Variants in SCNN1A observed in about 807,000 individuals in gnomAD.
The protein encoded by SCNN1A is epithelial sodium channel subunit alpha.
A neutral mutation model predicts 68.6 loss-of-function variants in SCNN1A; 65 were observed. The ratio of observed to expected loss-of-function variants is 0.95; its 90% confidence interval spans 0.78 to 1.16. The LOEUF (loss-of-function observed/expected upper bound fraction) is 1.16, where lower values mean the gene tolerates loss of function less well. Among genes scored for constraint, SCNN1A ranks in the 50% most tolerant of loss-of-function variants. The pLI is 0.00. For synonymous variants in SCNN1A, 357 were observed against 353.3 expected (o/e 1.01, Z -0.12); for missense variants, 880 against 865.9 (o/e 1.02, Z -0.20).
chr12:6,369,649 G>A (rs137876065), intron 2 of SCNN1A, among the ~76,000 whole-genome samples: 22 of 152,166 alleles, frequency 1.4e-4, no homozygotes, highest in African/African-American at 2.4e-4. Context: ...TGGCTAACAC[G>A]GCGAAACCCC....
At chr12:6,369,322 T>TCCCTCCTGCCACCCTACGCACCA in intron 2 of SCNN1A, among the ~76,000 whole-genome samples, 1 of 150,138 alleles carries the variant, frequency 6.7e-6, no homozygotes, top group East Asian at 2.0e-4. Context: ...CCTACGCACC[T>TCCCTCCTGCCACCCTACGCACCA]CCCTCCTGCC....
Position 6,348,264 on chromosome 12 carries a change from A to T in SCNN1A, c.1630-11T>A, listed in dbSNP as rs1592058320. 1.2e-6 allele frequency: 2 copies of T among 1,613,708 alleles called. No homozygotes were observed. Among genetic ancestry groups the T allele is most frequent in the African/African-American group, 2.7e-5 (2 of 74,812 alleles). On this transcript the variant is annotated splice_polypyrimidine_tract_variant and intron_variant, in intron 12 of 12. Coordinates refer to ENST00000228916, the MANE Select transcript of SCNN1A (RefSeq NM_001038.6). ...CAGGAGGGTGACCATCTGTGAGAGG[A>T]GAGGTACATTGACGATGGGACAGAG...
chr12:6,348,976 C>A lies in SCNN1A; in HGVS notation c.1527G>T (p.Gln509His), dbSNP rs1287151348. ...TCTTGTTGTTGACGGTGTAATTGTTCTGTCGCGATAGCATCTGGAAGACCC... is the reference window on the plus strand; with the variant it reads ...TCTTGTTGTTGACGGTGTAATTGTTATGTCGCGATAGCATCTGGAAGACCC... ...QEWVFQMLSR[Q>H]NNYTVNNKRN... is the part of the protein sequence containing the mutation. The change falls in exon 11 of 13, where the codon CAG becomes CAT. Residue 509 changes from glutamine (Q) to histidine (H), a missense_variant. This residue lies in a region of SCNN1A where 758 missense variants were observed against 721.8 expected (regional missense o/e 1.05). Transcript: ENST00000228916. 8.1e-6 allele frequency: 13 copies of A among 1,613,968 alleles called. No individual in the cohort carries two copies. Among genetic ancestry groups the A allele is most frequent in the Non-Finnish European group, 1.0e-5 (12 of 1,180,022 alleles).
At chr12:6,348,644 G>A in intron 12 of SCNN1A, 83 bp downstream of exon 12, 1 of 1,209,260 alleles carries the variant, frequency 8.3e-7, no homozygotes, top group Non-Finnish European at 1.2e-6. Flanking sequence ...GGCCCACAGA[G>A]ACAACCTTTT....
Position 6,350,393 on chromosome 12 carries a change from T to C in SCNN1A, c.1361-988A>G, listed in dbSNP as rs145720481. On this transcript the variant is annotated intron_variant, in intron 8 of 12. Coordinates refer to ENST00000228916, the MANE Select transcript of SCNN1A (RefSeq NM_001038.6). ...CTTGCAGTGAGCCGAGATCGCGCCATTGCACACTCTAGCCTGGGCGACTGA... is the reference window on the plus strand; with the variant it reads ...CTTGCAGTGAGCCGAGATCGCGCCACTGCACACTCTAGCCTGGGCGACTGA... Among the ~76,000 whole-genome samples the C allele has an allele frequency of 3.4e-3, 508 of 149,014 alleles. 2 individuals are homozygous for C. The highest frequency in any genetic ancestry group is 0.012 in the African/African-American group (477 of 40,196).
upstream of SCNN1A, among the ~76,000 whole-genome samples, chr12:6,376,968 C>T (rs1198852663): frequency 6.6e-6 from 1 of 152,204 alleles, no homozygotes; most frequent in Non-Finnish European, 1.5e-5. Context: ...GGACTTCTAA[C>T]AAAAGTGCAG....
chr12:6,349,556 C>T lies in SCNN1A; in HGVS notation c.1361-151G>A, dbSNP rs1321577626. On this transcript the variant is annotated intron_variant, in intron 8 of 12. Transcript: ENST00000228916. ...CCTTATGAGTGGCAGTACCAAGAAG[C>T]GTTTAAGAAATTAAGCTAAGCCAGG... 4.3e-6 allele frequency: 3 copies of T among 696,020 alleles called. No homozygotes were observed. The Admixed American group carries it at 6.2e-5, about 14-fold the overall frequency. 43.1% of individuals were successfully genotyped at this position (696,020 alleles called of 1,614,324 possible). A position where few individuals can be genotyped will look rare whatever the true frequency, so the allele number is the denominator to read the frequency against.
Position 6,354,769 on chromosome 12 carries a change from G to T in SCNN1A, c.1223C>A (p.Pro408His). 1 of 1,613,882 alleles carries T rather than the reference G, an allele frequency of 6.2e-7. No homozygotes were observed. Among genetic ancestry groups the T allele is most frequent in the Non-Finnish European group, 8.5e-7 (1 of 1,179,872 alleles). The change falls in exon 7 of 13, where the codon CCT becomes CAT. Residue 408 changes from proline to histidine, a missense_variant. By Grantham distance (77) the Pro-to-His change is moderately conservative. Around this residue, in one of 3 missense-constraint regions of SCNN1A, gnomAD observed 758 missense variants for 721.8 expected, o/e 1.05. Coordinates refer to ENST00000228916, the MANE Select transcript of SCNN1A (RefSeq NM_001038.6). ...GSDVPVENLYPSKYTQQVCIH... is the reference protein window; with the variant it reads ...GSDVPVENLYHSKYTQQVCIH... ...CCTCACCTGCTGTGTGTACTTTGAA[G>T]GGTAAAGGTTCTCAACAGGAACATC...
At chr12:6,373,741 T>C (rs72645125) in intron 2 of SCNN1A, among the ~76,000 whole-genome samples, 118 of 152,294 alleles carry the variant, frequency 7.7e-4, no homozygotes, top group Admixed American at 3.3e-3. Context: ...CCTGGGTCTT[T>C]TGGGGGAAGA....
intron 4 of SCNN1A, among the ~76,000 whole-genome samples, chr12:6,358,453 T>C (rs1948532516): frequency 6.6e-6 from 1 of 152,124 alleles, no homozygotes; most frequent in South Asian, 2.1e-4. Flanking sequence ...AATAAAAACA[T>C]AGATCCATGT....
At chr12:6,367,463 C>T (rs878980390) in intron 2 of SCNN1A, among the ~76,000 whole-genome samples, 3 of 152,232 alleles carry the variant, frequency 2.0e-5, no homozygotes, top group East Asian at 1.9e-4. Flanking sequence ...GGAACTGATA[C>T]GTGCAAAAAA....
Position 6,347,658 on chromosome 12 carries a change from A to G in SCNN1A, c.*215T>C. 1.6e-6 allele frequency: 1 copy of G among 612,946 alleles called. No individual in the cohort carries two copies. The highest frequency in any genetic ancestry group is 2.9e-6 in the Non-Finnish European group (1 of 341,032). 38.0% of individuals were successfully genotyped at this position (612,946 alleles called of 1,614,324 possible). ...GTGTTCAGAGGCAGTACCAAGGGGT[A>G]CAGGGCTGGAGCCAAGGCACTTCTG... On this transcript the variant is annotated 3_prime_UTR_variant, in exon 13 of 13. Transcript: ENST00000228916.
intron 5 of SCNN1A, 21 bp from the exon 6 acceptor site, chr12:6,355,456 G>C (rs761466358): frequency 6.8e-6 from 11 of 1,613,020 alleles, no homozygotes; most frequent in Non-Finnish European, 9.3e-6. Context: ...AGAGAGAGCA[G>C]AGTTGGCAGA....
rs201365745 is a variant in SCNN1A at position 6,354,809 on chromosome 12, T to C, written c.1183A>G (p.Thr395Ala). 4 of 1,614,036 alleles carry C rather than the reference T, an allele frequency of 2.5e-6. No individual in the cohort carries two copies. The East Asian group carries it at 8.9e-5, about 36-fold the overall frequency. The part of the protein sequence containing the change: ...DRLGGDYGDC[T>A]KNGSDVPVEN... Reference sequence around the variant, plus strand: ...ACAGGAACATCACTGCCATTCTTGGTGCAGTCGCCATAATCGCCCCCAAGT... The same window carrying C: ...ACAGGAACATCACTGCCATTCTTGGCGCAGTCGCCATAATCGCCCCCAAGT... Residue 395 changes from threonine (T) to alanine (A), a missense_variant, in exon 7 of 13, where the codon ACC (threonine) becomes GCC (alanine). Thr to Ala is a moderately conservative substitution (Grantham distance 58). Transcript: ENST00000228916.
chr12:6,359,244 T>C (rs1326271501), intron 4 of SCNN1A, among the ~76,000 whole-genome samples: 3 of 152,280 alleles, frequency 2.0e-5, no homozygotes, highest in Admixed American at 2.0e-4. Flanking sequence ...ATTTATGGTT[T>C]GTAAATTATA....
chr12:6,370,000 T>G (rs1034130869), intron 2 of SCNN1A, among the ~76,000 whole-genome samples: 1 of 152,146 alleles, frequency 6.6e-6, no homozygotes, highest in African/African-American at 2.4e-5. Flanking sequence ...GACCAGCGGC[T>G]GGAGGGAAGG....
chr12:6,375,261 G>A (rs533984672), intron 1 of SCNN1A: 2 of 1,437,764 alleles, frequency 1.4e-6, no homozygotes, highest in South Asian at 3.0e-5. Context: ...TTTCTGGCCT[G>A]CCTCCTCTCT....
intron 7 of SCNN1A, 57 bp downstream of exon 7, chr12:6,354,693 A>G: frequency 6.6e-7 from 1 of 1,507,702 alleles, no homozygotes; most frequent in Non-Finnish European, 9.2e-7. Flanking sequence ...CCAGCTTTGC[A>G]GGGCCAGCCA....
chr12:6,360,152 T>G (rs1592072159), intron 4 of SCNN1A, among the ~76,000 whole-genome samples: 2 of 152,152 alleles, frequency 1.3e-5, no homozygotes, highest in Admixed American at 1.3e-4. Context: ...TGAAGTAAGG[T>G]TGAAGTACAA....
Sources: gnomAD v4.1 joint callset for allele counts (sites outside exome capture counted in the v4.1 genomes callset) on GRCh38, gnomAD v4.1.1 for gene constraint, gnomAD v4.1.1 regional missense constraint, MANE v1.5 for transcripts, NCBI Gene and HGNC (gene_info 2026-07-23, HGNC 2026-07-21) for gene names.